The following GRM8 variants were observed in gnomAD, a reference collection of about 807,000 sequenced individuals.
The protein encoded by GRM8 is metabotropic glutamate receptor 8.
In GRM8, 47 loss-of-function variants were observed where a neutral mutation model predicts 87.2. The ratio of observed to expected loss-of-function variants is 0.54; its 90% CI spans 0.43 to 0.69. The LOEUF is 0.69. Ranked by LOEUF, GRM8 falls within the 30% of genes least tolerant of loss-of-function variation. The probability of loss-of-function intolerance (pLI) is 0.00; values close to 1 mark genes in which losing one functional copy is unlikely to be tolerated. For missense variants in GRM8, 1,019 were observed against 1,139.2 expected (o/e 0.89, Z 1.52); for synonymous variants, 396 against 404.5 (o/e 0.98, Z 0.25).
At chr7:126,781,551 C>G (rs887032692) in intron 6 of GRM8, among the ~76,000 whole-genome samples, 1 of 152,140 alleles carries the variant, frequency 6.6e-6, no homozygotes, top group Non-Finnish European at 1.5e-5. Context: ...TAAATATAAA[C>G]ATAGAAAAGT....
Position 126,896,231 on chromosome 7 carries a change from T to C in GRM8, c.1156+6311A>G, listed in dbSNP as rs565738387. Among the ~76,000 whole-genome samples the C allele has an allele frequency of 1.1e-4, 17 of 151,586 alleles. No homozygotes were observed. The East Asian group carries it at 1.4e-3, about 12-fold the overall frequency. On this transcript the variant is annotated intron_variant, in intron 6 of 10. Transcript: ENST00000339582. The stretch of plus-strand genomic sequence containing the variant: ...TGTTTTGTCATCTCAGATGGATCTA[T>C]TGAAATTCAACATGAAATCTCAGAA...
chr7:127,089,970 GTTGGCCAAGA>G (rs1295266582), intron 3 of GRM8, among the ~76,000 whole-genome samples: 2 of 152,172 alleles, frequency 1.3e-5, no homozygotes, highest in Non-Finnish European at 2.9e-5. Flanking sequence ...ACAAACTGCG[GTTGGCCAAGA>G]TGTCTTAAAT....
intron 3 of GRM8, among the ~76,000 whole-genome samples, chr7:127,019,763 T>C (rs1357302926): frequency 2.0e-5 from 3 of 152,076 alleles, no homozygotes; most frequent in Admixed American, 1.3e-4. Context: ...CTTATCTCTA[T>C]TGAATGCTAA....
At chr7:126,663,591 AC>A (rs535436669) in intron 7 of GRM8, among the ~76,000 whole-genome samples, 47 of 152,158 alleles carry the variant, frequency 3.1e-4, no homozygotes, top group Non-Finnish European at 6.3e-4. Context: ...AAATCTAACA[AC>A]CCTTCATGAT....
At chr7:126,961,443 C>T (rs1476718226) in intron 3 of GRM8, among the ~76,000 whole-genome samples, 1 of 152,188 alleles carries the variant, frequency 6.6e-6, no homozygotes, top group African/African-American at 2.4e-5. Context: ...TAACAAGAGT[C>T]TCATTTGTCT....
Position 127,032,433 on chromosome 7 carries a change from C to T in GRM8, c.727+74063G>A, listed in dbSNP as rs17864100. On this transcript the variant is annotated intron_variant, in intron 3 of 10. Transcript: ENST00000339582. ...GAGTGAGCTCTTTTTGCCCATCCGT[C>T]CACACCCCCATCAGGTCACACTCCT... 7.8e-3 allele frequency among the ~76,000 whole-genome samples: 1,183 copies of T among 152,232 alleles called. 5 individuals carry two copies. Among genetic ancestry groups the T allele is most frequent in the Middle Eastern group, 0.014 (4 of 294 alleles).
chr7:126,856,910 T>C (rs1797739139), intron 6 of GRM8, among the ~76,000 whole-genome samples: 5 of 152,212 alleles, frequency 3.3e-5, no homozygotes, highest in Admixed American at 6.5e-5. Flanking sequence ...TCTTCTTTTG[T>C]GGCATTTGGG....
At chr7:127,018,377 G>T (rs1467477381) in intron 3 of GRM8, among the ~76,000 whole-genome samples, 1 of 149,532 alleles carries the variant, frequency 6.7e-6, no homozygotes, top group African/African-American at 2.5e-5. Context: ...ACACACAATG[G>T]AGAGCAATAA....
At chr7:126,441,538 A>AT (rs909986341) in intron 10 of GRM8, among the ~76,000 whole-genome samples, 1 of 152,154 alleles carries the variant, frequency 6.6e-6, no homozygotes, top group African/African-American at 2.4e-5. Context: ...GGAATGAATA[A>AT]TCGTAAGATA....
At position 126,739,915 on chromosome 7, in the gene GRM8, A is replaced by G. The variant is rs937926079; in HGVS notation, c.1357+29950T>C. 2.0e-5 allele frequency among the ~76,000 whole-genome samples: 3 copies of G among 152,038 alleles called. No individual in the cohort carries two copies. The South Asian group carries it at 6.2e-4, about 32-fold the overall frequency. On this transcript the variant is annotated intron_variant, in intron 7 of 10. Coordinates refer to ENST00000339582, the MANE Select transcript of GRM8 (RefSeq NM_000845.3). ...ATGCTGTACAGGTATATAGCCTAGGAGCAATATGTACCATATAGCCTAGGT... is the reference window on the plus strand; with the variant it reads ...ATGCTGTACAGGTATATAGCCTAGGGGCAATATGTACCATATAGCCTAGGT...
intron 6 of GRM8, chr7:126,870,569 G>T (rs1224360082): frequency 6.6e-6 from 1 of 152,046 alleles, no homozygotes; most frequent in African/African-American, 2.4e-5. Context: ...CAATATTATT[G>T]TGGCTCAGGG....
At chr7:126,704,023 A>T (rs1810224735) in intron 7 of GRM8, among the ~76,000 whole-genome samples, 1 of 152,098 alleles carries the variant, frequency 6.6e-6, no homozygotes, top group Non-Finnish European at 1.5e-5. Flanking sequence ...CTACCAGCAA[A>T]TGATTAAGTC....
intron 6 of GRM8, among the ~76,000 whole-genome samples, chr7:126,866,806 G>T (rs764602437): frequency 1.3e-5 from 2 of 151,778 alleles, no homozygotes; most frequent in Non-Finnish European, 2.9e-5. Context: ...TGGTCAGGCT[G>T]GTCTCAAACT....
intron 8 of GRM8, among the ~76,000 whole-genome samples, chr7:126,599,295 C>T (rs1440828562): frequency 2.0e-5 from 3 of 152,064 alleles, no homozygotes; most frequent in East Asian, 1.9e-4. Flanking sequence ...GATCTTTTAA[C>T]GTGATTATCC....
At chr7:126,801,918 C>T (rs1822751002) in intron 6 of GRM8, among the ~76,000 whole-genome samples, 1 of 152,116 alleles carries the variant, frequency 6.6e-6, no homozygotes, top group Non-Finnish European at 1.5e-5. Flanking sequence ...ACATTGCTCA[C>T]ATTGGACTGC....
intron 7 of GRM8, among the ~76,000 whole-genome samples, chr7:126,647,244 C>T (rs1281082446): frequency 1.3e-5 from 2 of 151,266 alleles, no homozygotes; most frequent in African/African-American, 4.9e-5. Flanking sequence ...TGTATAAGCA[C>T]ATTTATTGTG....
chr7:126,814,387 C>T (rs1793577688), intron 6 of GRM8, among the ~76,000 whole-genome samples: 1 of 152,040 alleles, frequency 6.6e-6, no homozygotes, highest in African/African-American at 2.4e-5. Context: ...ATTGAAACTC[C>T]AGAGATCAAT....
At chr7:127,214,824 TTTGAG>T (rs925609478) in intron 2 of GRM8, among the ~76,000 whole-genome samples, 2 of 152,234 alleles carry the variant, frequency 1.3e-5, no homozygotes, top group African/African-American at 2.4e-5. Flanking sequence ...TTTTTTCCTT[TTTGAG>T]TTGTCAGTTT....
At chr7:126,719,587 A>G (rs1206544162) in intron 7 of GRM8, among the ~76,000 whole-genome samples, 5 of 152,176 alleles carry the variant, frequency 3.3e-5, no homozygotes, top group Non-Finnish European at 7.3e-5. Context: ...GAAAAATAAC[A>G]ATGAAGGGCC....
Sources: gnomAD v4.1 joint callset for allele counts (sites outside exome capture counted in the v4.1 genomes callset) on GRCh38, gnomAD v4.1.1 for gene constraint, MANE v1.5 for transcripts, NCBI Gene and HGNC (gene_info 2026-07-23, HGNC 2026-07-21) for gene names.